Variants in SLC30A7 observed in about 807,000 individuals in gnomAD.
SLC30A7 encodes zinc transporter 7.
Under a neutral mutation model 46.0 loss-of-function variants are expected in SLC30A7, and 35 were observed. That is an observed-to-expected ratio of 0.76 (90% confidence interval 0.58 to 1.01). The LOEUF (loss-of-function observed/expected upper bound fraction) is 1.01. Ranked by LOEUF, SLC30A7 falls within the 50% of genes least tolerant of loss-of-function variation. The pLI, the probability that SLC30A7 is intolerant of heterozygous loss-of-function variation, is 0.00. For synonymous variants in SLC30A7, 147 were observed against 157.8 expected (o/e 0.93, Z 0.51); for missense variants, 464 against 451.1 (o/e 1.03, Z -0.26).
intron 10 of SLC30A7, among the ~76,000 whole-genome samples, 186 bp from the exon 11 acceptor site, chr1:100,974,620 TTTTG>T (rs1656351463): frequency 6.6e-6 from 1 of 152,114 alleles, no homozygotes; most frequent in South Asian, 2.1e-4. Context: ...GCTCTTTTTT[TTTTG>T]TTTGTTTTTT....
chr1:100,968,055 C>T (rs1166927329), intron 10 of SLC30A7, among the ~76,000 whole-genome samples: 1 of 152,090 alleles, frequency 6.6e-6, no homozygotes, highest in Non-Finnish European at 1.5e-5. Context: ...AAAAAAATTA[C>T]ATATAAATAC....
the SLC30A7 span, among the ~76,000 whole-genome samples, chr1:100,988,198 G>A: frequency 1.3e-5 from 2 of 152,106 alleles, no homozygotes; most frequent in African/African-American, 4.8e-5. Context: ...TTAATTTTCA[G>A]TTCTTCTAGC....
intron 8 of SLC30A7, among the ~76,000 whole-genome samples, chr1:100,937,218 C>T (rs1337822539): frequency 6.6e-6 from 1 of 152,112 alleles, no homozygotes; most frequent in Admixed American, 6.5e-5. Context: ...TGCTCAATTG[C>T]AAATTTGTGT....
chr1:100,898,648 G>T (rs1651121247), intron 2 of SLC30A7, among the ~76,000 whole-genome samples: 2 of 152,142 alleles, frequency 1.3e-5, no homozygotes, highest in African/African-American at 4.8e-5. Flanking sequence ...TATTTGGGCA[G>T]ATTTAGGCAT....
chr1:100,930,936 A>G (rs1474774146), intron 8 of SLC30A7, among the ~76,000 whole-genome samples: 1 of 152,142 alleles, frequency 6.6e-6, no homozygotes, highest in East Asian at 1.9e-4. Flanking sequence ...TAAAGCCTCA[A>G]TTTGTATGGA....
downstream of SLC30A7, among the ~76,000 whole-genome samples, chr1:100,983,740 T>C (rs1657112200): frequency 6.6e-6 from 1 of 152,248 alleles, no homozygotes; most frequent in Non-Finnish European, 1.5e-5. Flanking sequence ...TTAAATGTGG[T>C]ATTTTTTAAG....
At chr1:100,983,119 C>T (rs1314080715), downstream of SLC30A7, among the ~76,000 whole-genome samples, 1 of 152,152 alleles carries the variant, frequency 6.6e-6, no homozygotes, top group Non-Finnish European at 1.5e-5. Context: ...CAAGTGTAAA[C>T]TCTTCTGAAC....
intron 8 of SLC30A7, among the ~76,000 whole-genome samples, chr1:100,936,416 C>G (rs1024245164): frequency 2.6e-5 from 4 of 152,022 alleles, no homozygotes; most frequent in African/African-American, 9.7e-5. Flanking sequence ...AGTACACACT[C>G]CTATATGTAC....
At chr1:100,924,517 A>G (rs1330259360) in intron 8 of SLC30A7, among the ~76,000 whole-genome samples, 1 of 152,062 alleles carries the variant, frequency 6.6e-6, no homozygotes, top group African/African-American at 2.4e-5. Context: ...TCTACCTCCC[A>G]GGCTGGGTTG....
At chr1:100,961,103 C>T (rs1317059716) in intron 8 of SLC30A7, among the ~76,000 whole-genome samples, 10 of 151,558 alleles carry the variant, frequency 6.6e-5, no homozygotes, top group African/African-American at 2.2e-4. Context: ...TACAGGCGCC[C>T]GCCACCATGC....
At position 100,981,436 on chromosome 1, in the gene SLC30A7, T is replaced by C. The variant is rs1029038431; in HGVS notation, c.*6579T>C. ...CACTTTACCTCCCTGCCTTTAGTGGTATTTAAACATATGGCCAAGTTAGTA... is the reference window on the plus strand; with the variant it reads ...CACTTTACCTCCCTGCCTTTAGTGGCATTTAAACATATGGCCAAGTTAGTA... On this transcript the variant is annotated 3_prime_UTR_variant, in exon 11 of 11. Coordinates refer to ENST00000357650, the MANE Select transcript of SLC30A7 (RefSeq NM_133496.5). The C allele has an allele frequency of 2.6e-5, 4 of 152,216 alleles. No homozygotes were observed. The highest frequency in any genetic ancestry group is 9.6e-5 in the African/African-American group (4 of 41,466). The allele number at this position is 152,216 out of a possible 1,614,324, so 9.4% of individuals were successfully genotyped here. A position where few individuals can be genotyped will look rare whatever the true frequency, so the allele number is the denominator to read the frequency against.
At chr1:100,941,483 A>C in intron 8 of SLC30A7, 2 of 480,194 alleles carry the variant, frequency 4.2e-6, no homozygotes, top group South Asian at 3.4e-5. Flanking sequence ...TTTCAGAATG[A>C]CAGTCTTATC....
At chr1:100,948,713 C>G (rs1014272620) in intron 8 of SLC30A7, among the ~76,000 whole-genome samples, 7 of 152,150 alleles carry the variant, frequency 4.6e-5, no homozygotes, top group Non-Finnish European at 8.8e-5. Flanking sequence ...TTCACGTAGT[C>G]CTGTATTTCT....
At chr1:100,965,195 C>G (rs1443732934) in intron 9 of SLC30A7, among the ~76,000 whole-genome samples, 3 of 152,216 alleles carry the variant, frequency 2.0e-5, no homozygotes, top group Admixed American at 6.5e-5. Context: ...AACACCCTCA[C>G]AGAGAAGCTC....
intron 8 of SLC30A7, among the ~76,000 whole-genome samples, chr1:100,931,121 T>C (rs1264999348): frequency 1.3e-5 from 2 of 152,114 alleles, no homozygotes; most frequent in Admixed American, 1.3e-4. Flanking sequence ...AGCATAGTAA[T>C]GGTAAACAGA....
chr1:100,911,620 G>A (rs1487742906), intron 4 of SLC30A7, among the ~76,000 whole-genome samples: 3 of 152,040 alleles, frequency 2.0e-5, no homozygotes, highest in African/African-American at 4.8e-5. Context: ...GCGCGATCTC[G>A]GCTTACTGCA....
intron 2 of SLC30A7, among the ~76,000 whole-genome samples, chr1:100,906,444 G>C (rs1302992901): frequency 1.8e-4 from 28 of 152,156 alleles, no homozygotes; most frequent in Admixed American, 1.8e-3. Flanking sequence ...AAAGGGTGGA[G>C]CAGGATACTC....
chr1:100,952,871 G>A (rs1431287113), intron 8 of SLC30A7, among the ~76,000 whole-genome samples: 2 of 152,108 alleles, frequency 1.3e-5, no homozygotes, highest in Non-Finnish European at 2.9e-5. Context: ...GAAATGATAG[G>A]GTTTGAACAC....
At position 100,915,630 on chromosome 1, in the gene SLC30A7, A is replaced by G. The variant is rs115102741; in HGVS notation, c.655+1824A>G. 6.6e-3 allele frequency among the ~76,000 whole-genome samples: 1,000 copies of G among 152,302 alleles called. 17 individuals carry two copies. Among genetic ancestry groups the G allele is most frequent in the African/African-American group, 0.021 (871 of 41,560 alleles). ...GGATTTCTTTCTTTCTTTAAGGCTGAATGATATTCCGTTGTATGTATATAC... is the reference window on the plus strand; with the variant it reads ...GGATTTCTTTCTTTCTTTAAGGCTGGATGATATTCCGTTGTATGTATATAC... On this transcript the variant is annotated intron_variant, in intron 6 of 10. Coordinates refer to ENST00000357650, the MANE Select transcript of SLC30A7 (RefSeq NM_133496.5).
Sources: allele counts gnomAD v4.1 joint callset (sites outside exome capture counted in the v4.1 genomes callset), GRCh38; gene constraint gnomAD v4.1.1; transcripts MANE v1.5; gene names NCBI Gene and HGNC (gene_info 2026-07-23, HGNC 2026-07-21).